Variants in KLHL13 observed in about 807,000 individuals in gnomAD.
The protein encoded by KLHL13 is kelch like family member 13.
Under a neutral mutation model 37.1 loss-of-function variants are expected in KLHL13, and 10 were observed. The observed-to-expected ratio is 0.27, with a 90% CI of 0.17 to 0.46. KLHL13 has a LOEUF of 0.46. KLHL13 is among the 20% of genes least tolerant of loss of function. KLHL13 has a pLI of 1.00. For synonymous variants in KLHL13, 163 were observed against 181.2 expected, an observed-to-expected ratio of 0.90 and a Z score of 0.81; for missense variants, 360 against 509.3, an observed-to-expected ratio of 0.71 and a Z score of 2.82.
chrX:117,991,137 T>TAAAAAAAA lies in KLHL13; in HGVS notation c.-55-45570_-55-45563dup, dbSNP rs750755409. On this transcript the variant is annotated intron_variant, in intron 1 of 6. Transcript: ENST00000371882. ...AAGGCTGGAAATTTTCATTAAAAAG[T>TAAAAAAAA]AAAAAAAAAAAAGTCTTATAAATGA... Among the ~76,000 whole-genome samples, 40 of 83,883 alleles carry TAAAAAAAA rather than the reference T, an allele frequency of 4.8e-4. 3 individuals carry two copies. Among genetic ancestry groups the TAAAAAAAA allele is most frequent in the African/African-American group, 2.2e-3 (29 of 13,330 alleles). 72.8% of individuals were successfully genotyped at this position (83,883 alleles called of 115,157 possible).
intron 1 of KLHL13, among the ~76,000 whole-genome samples, chrX:117,971,815 A>G (rs1329291786): frequency 8.9e-6 from 1 of 111,953 alleles, no homozygotes; most frequent in Non-Finnish European, 1.9e-5. Context: ...AGGCAGGAGA[A>G]GTTTTCCACA....
chrX:118,021,443 A>T (rs1361240434), intron 1 of KLHL13, among the ~76,000 whole-genome samples: 4 of 107,173 alleles, frequency 3.7e-5, no homozygotes, highest in South Asian at 4.3e-4. Flanking sequence ...CCTGTGTCCA[A>T]GTGTTCTCAT....
intron 1 of KLHL13, among the ~76,000 whole-genome samples, chrX:118,030,953 C>T (rs988049052): frequency 1.8e-5 from 2 of 111,970 alleles, no homozygotes; most frequent in African/African-American, 6.5e-5. Context: ...ACCAACCCTC[C>T]TACTGTGCCT....
chrX:118,026,541 G>A (rs1268910824), intron 1 of KLHL13, among the ~76,000 whole-genome samples: 3 of 111,667 alleles, frequency 2.7e-5, no homozygotes, highest in Admixed American at 1.9e-4. Context: ...TGATGAAATC[G>A]TTGATGCTTT....
At chrX:118,016,501 A>G (rs2192260) in intron 1 of KLHL13, among the ~76,000 whole-genome samples, 6,153 of 111,719 alleles carry the variant, frequency 0.055, 413 homozygotes, top group African/African-American at 0.19. Flanking sequence ...AGTAATTGTT[A>G]ATAAATGGTA....
intron 1 of KLHL13, among the ~76,000 whole-genome samples, chrX:118,027,472 A>G (rs2054286654): frequency 9.0e-6 from 1 of 111,343 alleles, no homozygotes; most frequent in African/African-American, 3.3e-5. Context: ...TTAAAAAAGC[A>G]ACTTGATTTG....
chrX:118,004,575 T>C (rs1462145701), intron 1 of KLHL13, among the ~76,000 whole-genome samples: 2 of 112,001 alleles, frequency 1.8e-5, no homozygotes, highest in Non-Finnish European at 3.8e-5. Flanking sequence ...TATGAGACCA[T>C]TTGGCATCAA....
intron 1 of KLHL13, among the ~76,000 whole-genome samples, chrX:117,963,065 T>C (rs1182869033): frequency 8.9e-6 from 1 of 112,220 alleles, no homozygotes; most frequent in Admixed American, 9.5e-5. Context: ...CATGCTAGAT[T>C]AAAATTTAAT....
At chrX:118,056,856 A>AT (rs750824804) in intron 1 of KLHL13, among the ~76,000 whole-genome samples, 1 of 111,997 alleles carries the variant, frequency 8.9e-6, no homozygotes, top group Non-Finnish European at 1.9e-5. Context: ...TGTTGTGAGG[A>AT]TATATGAACA....
At chrX:117,910,154 G>GATAGCACAA in intron 4 of KLHL13, 58 bp from the exon 6 acceptor site, 1 of 829,088 alleles carries the variant, frequency 1.2e-6, no homozygotes, top group Non-Finnish European at 1.7e-6. Context: ...ATCACATCTT[G>GATAGCACAA]ATAGCACAAA....
In KLHL13 at chrX:118,104,692, T is replaced by C. The variant is rs139598297; in HGVS notation, c.-56+11816A>G. Among the ~76,000 whole-genome samples, 10 of 111,867 alleles carry C rather than the reference T, an allele frequency of 8.9e-5. No individual in the cohort carries two copies. In the East Asian group the frequency reaches 2.3e-3, roughly 25 times the overall value. ...CATGAGGTCTGTGTTAGACTGAGCA[T>C]AAATCATGAACATTTTGATAGACAA... is the stretch of plus-strand genomic sequence containing the variant. On this transcript the variant is annotated intron_variant, in intron 1 of 6. Coordinates refer to the KLHL13 transcript ENST00000371882.
chrX:117,941,501 C>A (rs984278539), intron 2 of KLHL13, among the ~76,000 whole-genome samples: 3 of 111,544 alleles, frequency 2.7e-5, no homozygotes, highest in Non-Finnish European at 5.6e-5. Context: ...TTAATTACTG[C>A]CTCAATTTCA....
chrX:118,095,098 A>T (rs1165454046), intron 1 of KLHL13, among the ~76,000 whole-genome samples: 7 of 111,889 alleles, frequency 6.3e-5, no homozygotes, highest in Admixed American at 5.7e-4. Flanking sequence ...AGACTGGCAA[A>T]TTGGATAAAG....
At chrX:118,091,539 A>G (rs1223697422) in intron 1 of KLHL13, among the ~76,000 whole-genome samples, 3 of 111,858 alleles carry the variant, frequency 2.7e-5, no homozygotes, top group Non-Finnish European at 5.6e-5. Context: ...AATGGAAAAG[A>G]CAGAGGAAAA....
chrX:118,114,524 GAAAATAGTAT>G (rs1325779282), intron 1 of KLHL13, among the ~76,000 whole-genome samples: 1 of 112,352 alleles, frequency 8.9e-6, no homozygotes, highest in Non-Finnish European at 1.9e-5. Context: ...AAAAAAGTAA[GAAAATAGTAT>G]AAACTCTTTT....
rs752195163 is a variant in KLHL13, at chrX:117,985,885, A to T, written c.-55-40310T>A. 1.6e-4 allele frequency among the ~76,000 whole-genome samples: 18 copies of T among 111,013 alleles called. No homozygotes were observed. In the South Asian group the frequency reaches 6.5e-3, roughly 40 times the overall value. On this transcript the variant is annotated intron_variant, in intron 1 of 6. Coordinates refer to the KLHL13 transcript ENST00000371882. ...TTTAAACAAATGAGCTACTTCAAAA[A>T]TACATATAACTCATCTCCCTGCATT... is the stretch of plus-strand genomic sequence containing the variant.
intron 1 of KLHL13, among the ~76,000 whole-genome samples, chrX:117,965,943 A>G (rs1414368823): frequency 1.8e-5 from 2 of 111,759 alleles, no homozygotes; most frequent in East Asian, 2.8e-4. Flanking sequence ...CCCACAGCCA[A>G]TATCATACTG....
chrX:118,020,085 G>C (rs1209915261), intron 1 of KLHL13, among the ~76,000 whole-genome samples: 2 of 110,787 alleles, frequency 1.8e-5, no homozygotes, highest in Non-Finnish European at 3.8e-5. Flanking sequence ...ACCTTGGGCA[G>C]TATGGTCATT....
At chrX:117,921,213 G>A (rs1931677896) in intron 2 of KLHL13, among the ~76,000 whole-genome samples, 1 of 111,904 alleles carries the variant, frequency 8.9e-6, no homozygotes, top group Non-Finnish European at 1.9e-5. Context: ...ATTATAACAG[G>A]TTGAATCTAC....
Sources: allele counts gnomAD v4.1 joint callset (sites outside exome capture counted in the v4.1 genomes callset), GRCh38; gene constraint gnomAD v4.1.1; transcripts MANE v1.5; gene names NCBI Gene and HGNC (gene_info 2026-07-23, HGNC 2026-07-21).